The following RARB variants were observed in gnomAD, a reference collection of about 807,000 sequenced individuals.
The protein encoded by RARB is HBV-activated protein.
Under a neutral mutation model 51.9 loss-of-function variants are expected in RARB, and 17 were observed. The observed-to-expected ratio is 0.33, with a 90% confidence interval of 0.22 to 0.49. The LOEUF is 0.49. Ranked by LOEUF, RARB falls within the 20% of genes least tolerant of loss-of-function variation. The pLI, the probability that RARB is intolerant of heterozygous loss-of-function variation, is 0.99. For synonymous variants in RARB, 215 were observed against 195.4 expected (o/e 1.10, Z -0.84); for missense variants, 369 against 550.8 (o/e 0.67, Z 3.30).
rs66976672 is a variant in RARB, at chr3:24,877,346, C to CTTTTTTTTTTTTTTTTTTTTTTTTTTTTT, written c.-380+18611_-380+18612insTTTTTTTTTTTTTTTTTTTTTTTTTTTTT. Among the ~76,000 whole-genome samples, 43 of 81,900 alleles carry CTTTTTTTTTTTTTTTTTTTTTTTTTTTTT rather than the reference C, an allele frequency of 5.3e-4. 10 individuals carry two copies. The highest frequency in any genetic ancestry group is 1.4e-3 in the African/African-American group (28 of 19,472). The allele number at this position is 81,900 out of a possible 152,430, so 53.7% of individuals were successfully genotyped here. On this transcript the variant is annotated intron_variant, in intron 2 of 11. Transcript: ENST00000383772. Reference sequence around the variant, plus strand: ...ATAGTAATTTTTTAAAGCAATCTTACTTTTTTTTTTTTTTTTTGGAAAATT... The same window carrying CTTTTTTTTTTTTTTTTTTTTTTTTTTTTT: ...ATAGTAATTTTTTAAAGCAATCTTACTTTTTTTTTTTTTTTTTTTTTTTTTTTTTTTTTTTTTTTTTTTTTTGGAAAATT...
chr3:25,045,258 C>T (rs905515710), intron 2 of RARB, among the ~76,000 whole-genome samples: 1 of 152,116 alleles, frequency 6.6e-6, no homozygotes, highest in African/African-American at 2.4e-5. Context: ...AAATGTTGTG[C>T]ATTTATAGAT....
rs571254788 is a variant in RARB, at chr3:25,204,285, T to C, written c.178+29710T>C. Among the ~76,000 whole-genome samples, 3 of 152,354 alleles carry C rather than the reference T, an allele frequency of 2.0e-5. No homozygotes were observed. In the East Asian group the frequency reaches 5.8e-4, roughly 29 times the overall value. On this transcript the variant is annotated intron_variant, in intron 5 of 11. Transcript: ENST00000383772. ...CGGTTTTCAGCTCCATCAGGTCCTT[T>C]AAGGACTTCTCTGCATTGATTGTTC...
At chr3:24,896,405 G>A (rs1229485795) in intron 2 of RARB, among the ~76,000 whole-genome samples, 2 of 152,048 alleles carry the variant, frequency 1.3e-5, no homozygotes, top group Admixed American at 1.3e-4. Flanking sequence ...GATTACAGGG[G>A]CGCACCACCA....
intron 1 of RARB, among the ~76,000 whole-genome samples, chr3:24,841,059 T>C (rs1702415758): frequency 6.6e-6 from 1 of 152,162 alleles, no homozygotes; most frequent in Admixed American, 6.5e-5. Context: ...ACATCCTAAT[T>C]GAAATATCAT....
At chr3:25,299,568 T>A (rs1282992549) in intron 5 of RARB, among the ~76,000 whole-genome samples, 1 of 152,212 alleles carries the variant, frequency 6.6e-6, no homozygotes, top group Non-Finnish European at 1.5e-5. Flanking sequence ...CAGTGCCTGG[T>A]ATGATTTTCT....
chr3:25,542,947 C>T (rs544352903), intron 3 of RARB, among the ~76,000 whole-genome samples: 1 of 152,274 alleles, frequency 6.6e-6, no homozygotes, highest in Admixed American at 6.5e-5. Flanking sequence ...AATCTGATTC[C>T]CAAGCCTGTG....
At chr3:25,468,731 C>CA (rs1037207884) in intron 2 of RARB, among the ~76,000 whole-genome samples, 1 of 152,112 alleles carries the variant, frequency 6.6e-6, no homozygotes. Context: ...ATCTCTGCGA[C>CA]AAAAAATTAA....
At chr3:25,327,333 C>T (rs1304005868) in intron 5 of RARB, among the ~76,000 whole-genome samples, 1 of 152,096 alleles carries the variant, frequency 6.6e-6, no homozygotes, top group East Asian at 1.9e-4. Flanking sequence ...AAAAGATTCA[C>T]ATCAAGCAGC....
At position 25,111,850 on chromosome 3, in the gene RARB, A is replaced by G. The variant is rs187725890; in HGVS notation, c.-327-20311A>G. 4.9e-3 allele frequency among the ~76,000 whole-genome samples: 742 copies of G among 152,248 alleles called. 3 individuals are homozygous for G. The highest frequency in any genetic ancestry group is 0.017 in the African/African-American group (686 of 41,554). On this transcript the variant is annotated intron_variant, in intron 3 of 11. Coordinates refer to the RARB transcript ENST00000383772. ...CCTCAGCCCCCAAAGTGCTGGGATT[A>G]CAAGTGTGAGCCATCGGGCCCGACT... is the stretch of plus-strand genomic sequence containing the variant.
At chr3:25,502,747 A>G (rs1422104970) in intron 3 of RARB, among the ~76,000 whole-genome samples, 1 of 152,166 alleles carries the variant, frequency 6.6e-6, no homozygotes, top group African/African-American at 2.4e-5. Flanking sequence ...CCATGTGAAC[A>G]AGGAAACAGG....
At chr3:25,257,588 A>C (rs13087573) in intron 5 of RARB, among the ~76,000 whole-genome samples, 15,753 of 152,034 alleles carry the variant, frequency 0.1, 1,000 homozygotes, top group South Asian at 0.25. Context: ...AGTCAGTTTC[A>C]TCAGGAGATC....
At chr3:25,593,321 C>T (rs1701687910) in intron 5 of RARB, among the ~76,000 whole-genome samples, 182 bp from the exon 6 acceptor site, 1 of 151,950 alleles carries the variant, frequency 6.6e-6, no homozygotes, top group African/African-American at 2.4e-5. Flanking sequence ...AACTTTAGCC[C>T]CTGGGTTTTG....
chr3:25,453,470 C>T (rs1253541110), intron 1 of RARB, among the ~76,000 whole-genome samples: 4 of 152,116 alleles, frequency 2.6e-5, no homozygotes, highest in East Asian at 1.9e-4. Context: ...TGGTCTTGAA[C>T]TCCCGACCTC....
chr3:25,553,044 G>A (rs1042184873), intron 3 of RARB, among the ~76,000 whole-genome samples: 7 of 152,022 alleles, frequency 4.6e-5, no homozygotes, highest in African/African-American at 1.7e-4. Flanking sequence ...AAGGAAGACG[G>A]GCAAACTATA....
At chr3:25,345,106 G>A (rs550919433) in intron 5 of RARB, among the ~76,000 whole-genome samples, 9 of 152,266 alleles carry the variant, frequency 5.9e-5, no homozygotes, top group African/African-American at 1.7e-4. Context: ...ATATCTGTGG[G>A]TGTTGATTTT....
intron 2 of RARB, among the ~76,000 whole-genome samples, chr3:24,873,150 T>C (rs1464060077): frequency 6.6e-6 from 1 of 152,254 alleles, no homozygotes; most frequent in African/African-American, 2.4e-5. Context: ...TGCCCTGTGC[T>C]AATTGAAACC....
intron 5 of RARB, among the ~76,000 whole-genome samples, chr3:25,284,705 T>G (rs567001853): frequency 6.6e-6 from 1 of 152,280 alleles, no homozygotes; most frequent in Non-Finnish European, 1.5e-5. Flanking sequence ...GACTCACATT[T>G]AAATAACAAT....
At chr3:25,048,289 C>T (rs1698256757) in intron 2 of RARB, among the ~76,000 whole-genome samples, 2 of 152,240 alleles carry the variant, frequency 1.3e-5, no homozygotes, top group African/African-American at 4.8e-5. Context: ...TTTGGGCCAT[C>T]TAAGTTACCA....
intron 5 of RARB, among the ~76,000 whole-genome samples, chr3:25,327,102 A>G (rs565733820): frequency 3.3e-5 from 5 of 152,240 alleles, no homozygotes; most frequent in African/African-American, 4.8e-5. Flanking sequence ...TCGTTTTTAG[A>G]CACAGGGATT....
Sources: allele counts gnomAD v4.1 joint callset (sites outside exome capture counted in the v4.1 genomes callset), GRCh38; gene constraint gnomAD v4.1.1; transcripts MANE v1.5; gene names NCBI Gene and HGNC (gene_info 2026-07-23, HGNC 2026-07-21).